NEK4: variants seen among roughly 807,000 people sequenced by gnomAD.
NEK4 encodes NIMA related kinase 4.
A neutral mutation model predicts 98.4 loss-of-function variants in NEK4; 86 were observed. That is an observed-to-expected ratio of 0.87 (90% CI 0.73 to 1.05). The LOEUF (loss-of-function observed/expected upper bound fraction) is 1.05, where lower values mean the gene tolerates loss of function less well. Among genes scored for constraint, NEK4 ranks in the 50% least tolerant of loss-of-function variants. The pLI is 0.00. For missense variants in NEK4, 898 were observed against 950.3 expected (o/e 0.94, Z 0.72); for synonymous variants, 328 against 342.2 (o/e 0.96, Z 0.46).
At chr3:52,718,574 G>C (rs929659572) in intron 15 of NEK4, among the ~76,000 whole-genome samples, 4 of 151,816 alleles carry the variant, frequency 2.6e-5, no homozygotes, top group Admixed American at 2.6e-4. Context: ...AGAAGCTCCA[G>C]AGCAGAACTC....
At position 52,765,847 on chromosome 3, in the gene NEK4, T is replaced by A. The variant is rs1273887570; in HGVS notation, c.666+40A>T. On this transcript the variant is annotated intron_variant, in intron 4 of 15. Transcript: ENST00000233027. ...CTAGTAGCTATTTATAAAGCTGCAC[T>A]ATAGAAATACTGGTCAATTAGTTCT... The A allele has an allele frequency of 3.2e-6, 4 of 1,236,436 alleles. No individual in the cohort carries two copies. In the African/African-American group the frequency reaches 5.9e-5, roughly 18 times the overall value. The allele number at this position is 1,236,436 out of a possible 1,614,324, so 76.6% of individuals were successfully genotyped here.
Position 52,739,600 on chromosome 3 carries a change from G to A in NEK4, c.2128C>T (p.Gln710Ter). ...GQTNEINALV[Q>*]LMTQTLKLDS... is the part of the protein sequence containing the mutation. ...AGTTTCAGGGTCTGAGTCATCAATT[G>A]TACCAAGGCATTAATTTCATTTGTC... is the stretch of plus-strand genomic sequence containing the variant. Residue 710 changes from glutamine (Q) to a stop codon, truncating the protein, a stop_gained, in exon 14 of 16, where the codon CAA becomes TAA. Coordinates refer to ENST00000233027, the MANE Select transcript of NEK4 (RefSeq NM_003157.6). LOFTEE classifies it high-confidence loss of function. 6.2e-7 allele frequency: 1 copy of A among 1,614,010 alleles called. No homozygotes were observed. Among genetic ancestry groups the A allele is most frequent in the Non-Finnish European group, 8.5e-7 (1 of 1,179,956 alleles).
chr3:52,768,042 A>T (rs1217350804), intron 2 of NEK4, among the ~76,000 whole-genome samples: 1 of 152,218 alleles, frequency 6.6e-6, no homozygotes, highest in Non-Finnish European at 1.5e-5. Context: ...TAACAAACAT[A>T]GTCACTCTAT....
intron 14 of NEK4, 81 bp downstream of exon 14, chr3:52,739,348 A>T: frequency 1.6e-6 from 2 of 1,212,468 alleles, no homozygotes; most frequent in Non-Finnish European, 2.4e-6. Context: ...GCAGTGAGCC[A>T]AGATCACACT....
At chr3:52,734,907 C>T (rs1375340330) in intron 15 of NEK4, 2 of 223,030 alleles carry the variant, frequency 9.0e-6, no homozygotes, top group South Asian at 1.2e-4. Flanking sequence ...TAGAATATTA[C>T]CAAAAAAAAA....
At chr3:52,740,903 T>C (rs932517986) in intron 13 of NEK4, among the ~76,000 whole-genome samples, 7 of 151,596 alleles carry the variant, frequency 4.6e-5, no homozygotes, top group Admixed American at 6.6e-5. Context: ...TTGGAATCCC[T>C]AAGAGGGCAG....
At chr3:52,718,388 G>A (rs561678614) in intron 15 of NEK4, among the ~76,000 whole-genome samples, 120 of 149,182 alleles carry the variant, frequency 8.0e-4, no homozygotes, top group African/African-American at 2.6e-3. Flanking sequence ...CAGGAGAATC[G>A]CTTGAACCCG....
chr3:52,745,568 G>A (rs1420799607), intron 10 of NEK4, among the ~76,000 whole-genome samples: 3 of 149,826 alleles, frequency 2.0e-5, no homozygotes, highest in Admixed American at 2.0e-4. Context: ...AACAGAGCGA[G>A]ACTCCACCTC....
intron 12 of NEK4, among the ~76,000 whole-genome samples, chr3:52,741,766 GTTTT>G (rs543944241): frequency 2.0e-5 from 3 of 147,416 alleles, no homozygotes; most frequent in African/African-American, 7.4e-5. Flanking sequence ...TATTTTGTTT[GTTTT>G]TTTTTTGTTT....
Position 52,770,871 on chromosome 3 carries a change from C to G in NEK4, c.-125G>C. On this transcript the variant is annotated 5_prime_UTR_variant, in exon 1 of 16. Transcript: ENST00000233027. ...GGGCGGCTGTTGAGGCAGCCGGGCC[C>G]GGGCGGGATTGCTGGGGCCCGGCCC... The G allele has an allele frequency of 1.6e-5, 13 of 807,998 alleles. No individual in the cohort carries two copies. The African/African-American group carries it at 1.7e-4, about 10-fold the overall frequency. 50.1% of individuals were successfully genotyped at this position (807,998 alleles called of 1,614,324 possible). A position where few individuals can be genotyped will look rare whatever the true frequency, so the allele number is the denominator to read the frequency against.
At chr3:52,760,749 T>C (rs1011953395) in intron 6 of NEK4, 46 bp downstream of exon 6, 1 of 1,430,786 alleles carries the variant, frequency 7.0e-7, no homozygotes, top group Non-Finnish European at 9.7e-7. Context: ...GGCCCATTTT[T>C]CTAAGTGCAG....
rs1483005585 is a variant in NEK4 at position 52,770,736 on chromosome 3, G to A, written c.11C>T (p.Ala4Val). 1.3e-6 allele frequency: 2 copies of A among 1,569,254 alleles called. No homozygotes were observed. Among genetic ancestry groups the A allele is most frequent in the Non-Finnish European group, 1.7e-6 (2 of 1,158,300 alleles). The change falls in exon 1 of 16, where the codon GCC becomes GTC. Residue 4 changes from alanine to valine, a missense_variant. Ala to Val is a moderately conservative substitution (Grantham distance 64, BLOSUM62 0). Coordinates refer to ENST00000233027, the MANE Select transcript of NEK4 (RefSeq NM_003157.6). ...CACGACCCGCAGGTAGCAGTAGGCGGCCAGGGGCATGTTCCCAGCGCTGGC... is the reference window on the plus strand; with the variant it reads ...CACGACCCGCAGGTAGCAGTAGGCGACCAGGGGCATGTTCCCAGCGCTGGC... The part of the protein sequence containing the change: MPL[A>V]AYCYLRVVGK...
chr3:52,713,403 C>A (rs1424854351), intron 15 of NEK4, among the ~76,000 whole-genome samples: 1 of 152,198 alleles, frequency 6.6e-6, no homozygotes, highest in African/African-American at 2.4e-5. Context: ...GGGTGTACTG[C>A]CTATTCTGCA....
intron 8 of NEK4, among the ~76,000 whole-genome samples, chr3:52,749,279 C>T (rs1485375015): frequency 1.3e-5 from 2 of 151,660 alleles, no homozygotes; most frequent in East Asian, 2.0e-4. Flanking sequence ...ATTACAGGCT[C>T]GTGCCACCAT....
intron 2 of NEK4, 59 bp downstream of exon 2, chr3:52,768,279 C>T (rs1260882218): frequency 1.3e-6 from 2 of 1,517,178 alleles, no homozygotes; most frequent in Admixed American, 1.9e-5. Context: ...TCCTAAAATA[C>T]ACCTGCCATC....
chr3:52,713,162 G>T (rs540618549), intron 15 of NEK4, among the ~76,000 whole-genome samples: 1 of 152,210 alleles, frequency 6.6e-6, no homozygotes, highest in Non-Finnish European at 1.5e-5. Flanking sequence ...CTTGTGGAAA[G>T]AACTGTTCAA....
intron 12 of NEK4, among the ~76,000 whole-genome samples, chr3:52,742,508 C>T (rs1229118255): frequency 6.6e-6 from 1 of 152,154 alleles, no homozygotes; most frequent in African/African-American, 2.4e-5. Context: ...AGAAATAATA[C>T]ATCCAATACT....
At chr3:52,765,603 C>G (rs2154106938) in intron 4 of NEK4, among the ~76,000 whole-genome samples, 1 of 152,278 alleles carries the variant, frequency 6.6e-6, no homozygotes, top group Admixed American at 6.5e-5. Context: ...GACAAATAGC[C>G]TCTCAGGGCA....
At chr3:52,717,950 C>G (rs1266843670) in intron 15 of NEK4, among the ~76,000 whole-genome samples, 1 of 151,870 alleles carries the variant, frequency 6.6e-6, no homozygotes, top group African/African-American at 2.4e-5. Flanking sequence ...TATGCCACCA[C>G]ACCAGGCTAA....
Sources: gnomAD v4.1 joint callset for allele counts (sites outside exome capture counted in the v4.1 genomes callset) on GRCh38, gnomAD v4.1.1 for gene constraint, MANE v1.5 for transcripts, NCBI Gene and HGNC (gene_info 2026-07-23, HGNC 2026-07-21) for gene names.